The following NUP210 variants were observed in gnomAD, a reference collection of about 807,000 sequenced individuals.
NUP210 encodes the protein nuclear pore membrane glycoprotein 210.
A neutral mutation model predicts 196.0 loss-of-function variants in NUP210; 151 were observed. The ratio of observed to expected loss-of-function variants is 0.77; its 90% CI spans 0.67 to 0.88. NUP210 has a LOEUF of 0.88. NUP210 is among the 40% of genes least tolerant of loss of function. The probability of loss-of-function intolerance (pLI) is 0.00; values close to 1 mark genes in which losing one functional copy is unlikely to be tolerated. For synonymous variants in NUP210, 1,070 were observed against 1,052.7 expected (o/e 1.02, Z -0.32); for missense variants, 2,314 against 2,493.7 (o/e 0.93, Z 1.53).
At chr3:13,395,109 G>A (rs980979407) in intron 3 of NUP210, among the ~76,000 whole-genome samples, 6 of 152,142 alleles carry the variant, frequency 3.9e-5, no homozygotes, top group Non-Finnish European at 8.8e-5. Context: ...CTCCAGGAGA[G>A]GGGGGAGTGT....
At chr3:13,335,410 A>C in intron 28 of NUP210, 44 bp downstream of exon 28, 13 of 1,574,608 alleles carry the variant, frequency 8.3e-6, no homozygotes, top group Non-Finnish European at 1.1e-5. Flanking sequence ...GGCAGCTGGC[A>C]CTTCCTCTCC....
chr3:13,325,041 C>T (rs1483656478), intron 33 of NUP210, among the ~76,000 whole-genome samples: 1 of 152,200 alleles, frequency 6.6e-6, no homozygotes, highest in African/African-American at 2.4e-5. Flanking sequence ...AGATGCCCCA[C>T]CCTCAACCTG....
chr3:13,397,788 G>A (rs1396129690), intron 2 of NUP210, among the ~76,000 whole-genome samples: 3 of 152,230 alleles, frequency 2.0e-5, no homozygotes, highest in South Asian at 2.1e-4. Context: ...TAAGCATTCC[G>A]TGAAGTGACA....
Position 13,340,147 on chromosome 3 carries a change from C to G in NUP210, c.3291+89G>C. On this transcript the variant is annotated intron_variant, in intron 24 of 39. Transcript: ENST00000254508. The surrounding 1 kb of genome is among the most constrained non-coding windows in gnomAD (Gnocchi z 4.0). ...GCAGCTTCTGCCTTCTTCTCCCAGT[C>G]ACTGCACGCAGGGCCAGAGGCGGCG... 6.2e-7 allele frequency: 1 copy of G among 1,603,370 alleles called. No individual in the cohort carries two copies. The highest frequency in any genetic ancestry group is 8.5e-7 in the Non-Finnish European group (1 of 1,172,716).
At chr3:13,382,872 T>C (rs1052837593) in intron 6 of NUP210, among the ~76,000 whole-genome samples, 1 of 152,138 alleles carries the variant, frequency 6.6e-6, no homozygotes, top group Non-Finnish European at 1.5e-5. Flanking sequence ...AGGCTGAGCA[T>C]GGCAACTCAT....
chr3:13,397,356 C>T lies in NUP210; in HGVS notation c.436+1G>A, dbSNP rs768342511. On this transcript the variant is annotated splice_donor_variant, in intron 3 of 39. Transcript: ENST00000254508. LOFTEE classifies it high-confidence loss of function. ...GACAAACAGGCAGGGGACGTTCTCACCTTCGGAGTCCAGGGCCTGGATCTT... is the reference window on the plus strand; with the variant it reads ...GACAAACAGGCAGGGGACGTTCTCATCTTCGGAGTCCAGGGCCTGGATCTT... The T allele has an allele frequency of 1.2e-6, 2 of 1,608,986 alleles. No homozygotes were observed. The highest frequency in any genetic ancestry group is 2.2e-5 in the South Asian group (2 of 90,570).
intron 13 of NUP210, among the ~76,000 whole-genome samples, chr3:13,367,553 C>T (rs1698582708): frequency 6.6e-6 from 1 of 152,132 alleles, no homozygotes; most frequent in Non-Finnish European, 1.5e-5. Flanking sequence ...TATCTGTACC[C>T]CCAGAATCTC....
Position 13,420,039 on chromosome 3 carries a change from C to T in NUP210, c.167+21G>A. ...CCCAGCCCGGCCCACGGCGCCCGCC[C>T]GGCCCGGCCGCGCGCCTCACCAGCG... On this transcript the variant is annotated intron_variant, in intron 1 of 39. Coordinates refer to ENST00000254508, the MANE Select transcript of NUP210 (RefSeq NM_024923.4). The surrounding 1 kb of genome is among the most constrained non-coding windows in gnomAD (Gnocchi z 4.8). The T allele has an allele frequency of 8.2e-7, 1 of 1,226,592 alleles. No homozygotes were observed. 76.0% of individuals were successfully genotyped at this position (1,226,592 alleles called of 1,614,324 possible).
chr3:13,324,524 T>C (rs1181841698), intron 33 of NUP210, among the ~76,000 whole-genome samples: 4 of 152,050 alleles, frequency 2.6e-5, no homozygotes, highest in Non-Finnish European at 5.9e-5. Context: ...AAAGGACCAG[T>C]AGCAGCCTGG....
chr3:13,323,558 G>A lies in NUP210; in HGVS notation c.4645-126C>T, dbSNP rs1284856948. The A allele has an allele frequency of 1.8e-6, 2 of 1,089,692 alleles. No individual in the cohort carries two copies. Among genetic ancestry groups the A allele is most frequent in the African/African-American group, 3.1e-5 (2 of 63,906 alleles). 67.5% of individuals were successfully genotyped at this position (1,089,692 alleles called of 1,614,324 possible). A position where few individuals can be genotyped will look rare whatever the true frequency, so the allele number is the denominator to read the frequency against. On this transcript the variant is annotated intron_variant, in intron 33 of 39. Transcript: ENST00000254508. This position sits in a 1 kb window ranked among gnomAD's most constrained non-coding sequence, Gnocchi z 4.3. ...CCCGTTTCACAGGTGGCAACACTGA[G>A]GCTCAAAGCCTAAACGCCTTGCTAG...
At chr3:13,375,713 C>T in intron 10 of NUP210, 72 bp from the exon 11 acceptor site, 2 of 1,505,714 alleles carry the variant, frequency 1.3e-6, no homozygotes, top group Non-Finnish European at 1.8e-6. Flanking sequence ...GTCACCGGAC[C>T]CCCACCCCTC....
chr3:13,331,855 G>A (rs1697008866), intron 29 of NUP210, among the ~76,000 whole-genome samples: 1 of 152,100 alleles, frequency 6.6e-6, no homozygotes. Context: ...GTTACTGTGC[G>A]GCCCCCTCGC....
chr3:13,321,674 C>T lies in NUP210; in HGVS notation c.5077G>A (p.Ala1693Thr), dbSNP rs776677571. 2.0e-5 allele frequency: 33 copies of T among 1,613,932 alleles called. No homozygotes were observed. The highest frequency in any genetic ancestry group is 5.0e-5 in the Admixed American group (3 of 59,992). The change falls in exon 36 of 40, where the codon GCC becomes ACC. Residue 1693 changes from alanine (A) to threonine (T), a missense_variant. Ala to Thr is a moderately conservative substitution (Grantham distance 58). Coordinates refer to ENST00000254508, the MANE Select transcript of NUP210 (RefSeq NM_024923.4). ...AEVPFSPGLFADQAEILLSNH... is the reference protein window; with the variant it reads ...AEVPFSPGLFTDQAEILLSNH... ...CTCAAAAGGATTTCAGCCTGGTCGG[C>T]GAAGAGACCTGGGCTGAAGGGCACC... is the stretch of plus-strand genomic sequence containing the variant.
In NUP210 at chr3:13,412,820, A is replaced by C. The variant is rs1396333839; in HGVS notation, c.167+7240T>G. Reference sequence around the variant, plus strand: ...CCCCGTCTCTACTAAAAATACAAAAAATTAGCTGGGCATGGTGGCGGGCAC... The same window carrying C: ...CCCCGTCTCTACTAAAAATACAAAACATTAGCTGGGCATGGTGGCGGGCAC... On this transcript the variant is annotated intron_variant, in intron 1 of 39. Coordinates refer to ENST00000254508, the MANE Select transcript of NUP210 (RefSeq NM_024923.4). 6.0e-5 allele frequency among the ~76,000 whole-genome samples: 9 copies of C among 151,076 alleles called. No homozygotes were observed. The South Asian group carries it at 1.7e-3, about 28-fold the overall frequency.
chr3:13,378,244 G>A (rs576836273), intron 8 of NUP210, among the ~76,000 whole-genome samples: 6 of 152,248 alleles, frequency 3.9e-5, no homozygotes, highest in African/African-American at 9.6e-5. Context: ...AGCTGACCTC[G>A]CCAGGACCAA....
chr3:13,420,151 C>A lies in NUP210; in HGVS notation c.76G>T (p.Ala26Ser). 2 of 1,312,760 alleles carry A rather than the reference C, an allele frequency of 1.5e-6. No homozygotes were observed. The highest frequency in any genetic ancestry group is 2.0e-6 in the Non-Finnish European group (2 of 1,012,018). The allele number at this position is 1,312,760 out of a possible 1,614,324, so 81.3% of individuals were successfully genotyped here. Residue 26 changes from alanine (A) to serine (S), a missense_variant, in exon 1 of 40, where the codon GCC becomes TCC. Ala to Ser is a moderately conservative substitution (Grantham distance 99, BLOSUM62 1). Transcript: ENST00000254508. This position sits in a 1 kb window ranked among gnomAD's most constrained non-coding sequence, Gnocchi z 4.8. Reference protein sequence around the residue: ...LLAAGPSAAAAKLNIPKVLLP... With the variant: ...LLAAGPSAAASKLNIPKVLLP... The stretch of plus-strand genomic sequence containing the variant: ...AGCACTTTGGGGATGTTGAGCTTGG[C>A]CGCAGCGGCGGAGGGGCCCGCCGCC...
In NUP210 at chr3:13,348,719, G is replaced by A. The variant is rs1697847996; in HGVS notation, c.2835+3160C>T. On this transcript the variant is annotated intron_variant, in intron 20 of 39. Transcript: ENST00000254508. This position sits in a 1 kb window ranked among gnomAD's most constrained non-coding sequence, Gnocchi z 4.0. ...AACCACAAGCATGTCCCCAGCTGCT[G>A]AGGGCGTCCTGCCATCCAAGGGTCT... The A allele has an allele frequency of 2.0e-6, 2 of 985,384 alleles. No homozygotes were observed. The highest frequency in any genetic ancestry group is 3.5e-5 in the African/African-American group (2 of 57,348). 61.0% of individuals were successfully genotyped at this position (985,384 alleles called of 1,614,324 possible). A position where few individuals can be genotyped will look rare whatever the true frequency, so the allele number is the denominator to read the frequency against.
chr3:13,378,870 A>G, intron 8 of NUP210, 42 bp downstream of exon 8: 1 of 1,419,694 alleles, frequency 7.0e-7, no homozygotes, highest in Non-Finnish European at 1.0e-6. Context: ...ATATAGTCAC[A>G]ACTGAGCAGC....
chr3:13,334,453 G>C (rs998855066), intron 28 of NUP210, among the ~76,000 whole-genome samples: 2 of 152,078 alleles, frequency 1.3e-5, no homozygotes, highest in African/African-American at 4.8e-5. Context: ...GCAGGGGTGA[G>C]GGGTTGGCAG....
Sources: gnomAD v4.1 joint callset for allele counts (sites outside exome capture counted in the v4.1 genomes callset) on GRCh38, gnomAD v4.1.1 for gene constraint, Gnocchi (gnomAD v3.1) non-coding constraint, MANE v1.5 for transcripts, NCBI Gene and HGNC (gene_info 2026-07-23, HGNC 2026-07-21) for gene names.